The following CHMP1A variants were observed in gnomAD, a reference collection of about 807,000 sequenced individuals.
CHMP1A encodes charged multivesicular body protein 1A, also known as VPS46 homolog A.
A neutral mutation model predicts 27.0 loss-of-function variants in CHMP1A; 17 were observed. The observed-to-expected ratio is 0.63, with a 90% CI of 0.43 to 0.95. The LOEUF (loss-of-function observed/expected upper bound fraction) is 0.95, where lower values mean the gene tolerates loss of function less well. Among genes scored for constraint, CHMP1A ranks in the 40% least tolerant of loss-of-function variants. The pLI, the probability that CHMP1A is intolerant of heterozygous loss-of-function variation, is 0.00. For synonymous variants in CHMP1A, 131 were observed against 107.5 expected, an observed-to-expected ratio of 1.22 and a Z score of -1.35; for missense variants, 275 against 264.0, an observed-to-expected ratio of 1.04 and a Z score of -0.29.
In CHMP1A at chr16:89,649,431, C is replaced by T. The variant is rs1363856765; in HGVS notation, c.172G>A (p.Glu58Lys). 6.2e-7 allele frequency: 1 copy of T among 1,613,774 alleles called. No homozygotes were observed. The highest frequency in any genetic ancestry group is 1.7e-5 in the Admixed American group (1 of 60,014). The change falls in exon 4 of 7, where the codon GAA becomes AAA. Residue 58 changes from glutamate (E) to lysine (K), a missense_variant. By Grantham distance (56) the Glu-to-Lys change is moderately conservative (BLOSUM62 1). Transcript: ENST00000397901. ...YAENAIRKKN[E>K]GVNWLRMASR... Reference sequence around the variant, plus strand: ...GCCATCCGAAGCCAGTTCACACCTTCGTTCTTCTTGCGGATGGCGTTCTCG... The same window carrying T: ...GCCATCCGAAGCCAGTTCACACCTTTGTTCTTCTTGCGGATGGCGTTCTCG...
intron 4 of CHMP1A, among the ~76,000 whole-genome samples, chr16:89,648,890 T>C (rs1188589976): frequency 6.7e-6 from 1 of 149,620 alleles, no homozygotes; most frequent in Non-Finnish European, 1.5e-5. Context: ...CCGGGCATGG[T>C]GGTGGATGCC....
Position 89,645,602 on chromosome 16 carries a change from A to G in CHMP1A, c.*464T>C, listed in dbSNP as rs138025964. ...GGTGGCACCTGACATCCCCCAGCAC[A>G]CATAGACCTGTGGTGCCTCCTTGGG... On this transcript the variant is annotated 3_prime_UTR_variant, in exon 7 of 7. Transcript: ENST00000397901. 1.8e-3 allele frequency: 501 copies of G among 272,908 alleles called. 4 individuals are homozygous for G. The highest frequency in any genetic ancestry group is 0.011 in the African/African-American group (472 of 43,124). The allele number at this position is 272,908 out of a possible 1,614,324, so 16.9% of individuals were successfully genotyped here.
chr16:89,649,378 C>T lies in CHMP1A; in HGVS notation c.225G>A (p.Lys75=). The part of the protein sequence containing the change: ...MASRVDAVAS[K]VQTAVTMKGV... ...CCTTCATAGTCACAGCTGTCTGCAC[C>T]TTGGAGGCCACTGCGTCTACGCGGG... The change falls in exon 4 of 7, where the codon AAG becomes AAA. Residue 75 remains lysine (K), a synonymous_variant. Transcript: ENST00000397901. The T allele has an allele frequency of 5.6e-6, 9 of 1,613,640 alleles. No homozygotes were observed. The highest frequency in any genetic ancestry group is 6.8e-6 in the Non-Finnish European group (8 of 1,179,796).
At position 89,647,606 on chromosome 16, in the gene CHMP1A, A is replaced by G. The variant is rs12447723; in HGVS notation, c.253-275T>C. On this transcript the variant is annotated intron_variant, in intron 4 of 6. Coordinates refer to ENST00000397901, the MANE Select transcript of CHMP1A (RefSeq NM_002768.5). The stretch of plus-strand genomic sequence containing the variant: ...AGTGGAGAAAAGGCCGCCGACGTGG[A>G]GACCCAGTGCGGGGTCGGTGGAGAA... Among the ~76,000 whole-genome samples, 1,348 of 103,948 alleles carry G rather than the reference A, an allele frequency of 0.013. 20 individuals are homozygous for G. The highest frequency in any genetic ancestry group is 0.031 in the African/African-American group (816 of 26,634). 68.2% of individuals were successfully genotyped at this position (103,948 alleles called of 152,430 possible). A position where few individuals can be genotyped will look rare whatever the true frequency, so the allele number is the denominator to read the frequency against.
chr16:89,649,828 G>A (rs886097780), intron 3 of CHMP1A, among the ~76,000 whole-genome samples: 8 of 152,258 alleles, frequency 5.3e-5, no homozygotes, highest in African/African-American at 1.4e-4. Context: ...TGCCCGCCTC[G>A]GCCTCCCAAA....
chr16:89,649,721 G>A (rs371206334), intron 3 of CHMP1A: 299 of 508,650 alleles, frequency 5.9e-4, no homozygotes, highest in African/African-American at 1.1e-3. Flanking sequence ...GACTACAGGC[G>A]CCCGCCACCA....
At chr16:89,646,286 G>A (rs762801324) in intron 6 of CHMP1A, among the ~76,000 whole-genome samples, 199 bp from the exon 7 acceptor site, 27 of 152,328 alleles carry the variant, frequency 1.8e-4, no homozygotes, top group Admixed American at 3.9e-4. Flanking sequence ...TACTGCAGAC[G>A]TGTGTAAACG....
chr16:89,646,793 G>A, intron 5 of CHMP1A, 79 bp from the exon 6 acceptor site: 1 of 1,447,880 alleles, frequency 6.9e-7, no homozygotes, highest in Non-Finnish European at 9.5e-7. Context: ...GGGTACGACT[G>A]CACTTTTCGT....
At chr16:89,647,003 G>T (rs2059779513) in intron 5 of CHMP1A, 200 bp downstream of exon 5, 1 of 1,500,362 alleles carries the variant, frequency 6.7e-7, no homozygotes, top group African/African-American at 1.4e-5. Context: ...CCAGGTGCCT[G>T]CAGGAGGCCC....
intron 6 of CHMP1A, 79 bp from the exon 7 acceptor site, chr16:89,646,166 C>T (rs2059771784): frequency 6.8e-6 from 9 of 1,315,804 alleles, no homozygotes; most frequent in Non-Finnish European, 9.4e-6. Context: ...CACAGGTGAC[C>T]CTTTTCCTCC....
Position 89,649,441 on chromosome 16 carries a change from G to C in CHMP1A, c.162C>G (p.Arg54=). The change falls in exon 4 of 7, where the codon CGC becomes CGG. Residue 54 remains arginine, a synonymous_variant. Coordinates refer to ENST00000397901, the MANE Select transcript of CHMP1A (RefSeq NM_002768.5). ...GCCAGTTCACACCTTCGTTCTTCTT[G>C]CGGATGGCGTTCTCGGCATACACAC... ...CARVYAENAI[R]KKNEGVNWLR... 1 of 1,613,760 alleles carries C rather than the reference G, an allele frequency of 6.2e-7. No homozygotes were observed. Among genetic ancestry groups the C allele is most frequent in the Non-Finnish European group, 8.5e-7 (1 of 1,179,870 alleles).
At chr16:89,655,409 CA>C (rs2059856995) in intron 1 of CHMP1A, among the ~76,000 whole-genome samples, 3 of 151,072 alleles carry the variant, frequency 2.0e-5, no homozygotes, top group African/African-American at 2.4e-5. Context: ...AGCTTTCCCT[CA>C]CCTCAGCTTT....
Position 89,653,002 on chromosome 16 carries a change from CTT to C in CHMP1A, c.27+900_27+901del, listed in dbSNP as rs1286315932. Among the ~76,000 whole-genome samples the C allele has an allele frequency of 1.8e-4, 24 of 132,622 alleles. No individual in the cohort carries two copies. In the Admixed American group the frequency reaches 1.9e-3, roughly 10 times the overall value. The allele number at this position is 132,622 out of a possible 152,430, so 87.0% of individuals were successfully genotyped here. On this transcript the variant is annotated intron_variant, in intron 2 of 6. Transcript: ENST00000397901. ...CACCAAGGCCTAATGCCCAAGTTGTCTTTTTTTTTTTTCTTTTCTTTTTTTTT... is the reference window on the plus strand; with the variant it reads ...CACCAAGGCCTAATGCCCAAGTTGTCTTTTTTTTTTCTTTTCTTTTTTTTT...
chr16:89,651,892 T>C (rs1381330868), intron 2 of CHMP1A, among the ~76,000 whole-genome samples: 2 of 152,218 alleles, frequency 1.3e-5, no homozygotes, highest in African/African-American at 4.8e-5. Context: ...GTCTGGGTTT[T>C]CTCCAGTGTC....
rs201254382 is a variant in CHMP1A at position 89,647,348 on chromosome 16, C to T, written c.253-17G>A. ...CTTGGTCACCTGAGACAGGAGAGAG[C>T]GCAGGAGGGAACAGGATGAAAGGCA... On this transcript the variant is annotated splice_polypyrimidine_tract_variant and intron_variant, in intron 4 of 6. Coordinates refer to ENST00000397901, the MANE Select transcript of CHMP1A (RefSeq NM_002768.5). The T allele has an allele frequency of 1.5e-4, 239 of 1,600,154 alleles. 2 individuals carry two copies. The highest frequency in any genetic ancestry group is 1.3e-3 in the African/African-American group (97 of 74,736).
Position 89,645,802 on chromosome 16 carries a change from T to C in CHMP1A, c.*264A>G. ...GCTGGGTGAAAGTCCACAGGGCCCC[T>C]CTTGGCCTCCCCGCTGTGGGCCCAG... On this transcript the variant is annotated 3_prime_UTR_variant, in exon 7 of 7. Transcript: ENST00000397901. The C allele has an allele frequency of 9.2e-7, 1 of 1,090,204 alleles. No homozygotes were observed. The highest frequency in any genetic ancestry group is 2.7e-4 in the Middle Eastern group (1 of 3,672). 67.5% of individuals were successfully genotyped at this position (1,090,204 alleles called of 1,614,324 possible). A position where few individuals can be genotyped will look rare whatever the true frequency, so the allele number is the denominator to read the frequency against.
At chr16:89,651,253 C>G in intron 3 of CHMP1A, among the ~76,000 whole-genome samples, 1 of 152,064 alleles carries the variant, frequency 6.6e-6, no homozygotes, top group East Asian at 1.9e-4. Context: ...AGCCTGTAAT[C>G]GCAGCTACGT....
intron 1 of CHMP1A, among the ~76,000 whole-genome samples, chr16:89,654,841 G>T (rs2059852304): frequency 6.6e-6 from 1 of 151,996 alleles, no homozygotes; most frequent in Non-Finnish European, 1.5e-5. Context: ...TACTCAGGAG[G>T]CTGAGGCAGG....
Position 89,655,589 on chromosome 16 carries a change from A to C in CHMP1A, c.8-1666T>G, listed in dbSNP as rs948657241. Among the ~76,000 whole-genome samples, 9 of 152,148 alleles carry C rather than the reference A, an allele frequency of 5.9e-5. 1 individual carries two copies. Among genetic ancestry groups the C allele is most frequent in the African/African-American group, 2.2e-4 (9 of 41,428 alleles). On this transcript the variant is annotated intron_variant, in intron 1 of 6. Transcript: ENST00000397901. Reference sequence around the variant, plus strand: ...ACATGGGCTTGAGAGAAGTCCCCTCAAAAGAGTTGAGTGAGCTGTGGAGTG... The same window carrying C: ...ACATGGGCTTGAGAGAAGTCCCCTCCAAAGAGTTGAGTGAGCTGTGGAGTG...
Sources: gnomAD v4.1 joint callset for allele counts (sites outside exome capture counted in the v4.1 genomes callset) on GRCh38, gnomAD v4.1.1 for gene constraint, MANE v1.5 for transcripts, NCBI Gene and HGNC (gene_info 2026-07-23, HGNC 2026-07-21) for gene names.